ADGRL3: variants seen among roughly 807,000 people sequenced by gnomAD.
The protein encoded by ADGRL3 is adhesion G protein-coupled receptor L3.
Under a neutral mutation model 153.5 loss-of-function variants are expected in ADGRL3, and 62 were observed. That is an observed-to-expected ratio of 0.40 (90% CI 0.33 to 0.50). The LOEUF (loss-of-function observed/expected upper bound fraction) is 0.50. ADGRL3 is among the 20% of genes least tolerant of loss of function. The probability of loss-of-function intolerance (pLI) is 0.47; values close to 1 mark genes in which losing one functional copy is unlikely to be tolerated. For synonymous variants in ADGRL3, 710 were observed against 672.5 expected, an observed-to-expected ratio of 1.06 and a Z score of -0.86; for missense variants, 1,641 against 1,859.4, an observed-to-expected ratio of 0.88 and a Z score of 2.16.
At chr4:61,690,038 A>C (rs1422610220) in intron 6 of ADGRL3, among the ~76,000 whole-genome samples, 1 of 152,174 alleles carries the variant, frequency 6.6e-6, no homozygotes, top group Admixed American at 6.5e-5. Context: ...GCTTTTTGGA[A>C]GCCTTCAAAT....
At chr4:61,315,504 A>C (rs971861240) in intron 1 of ADGRL3, among the ~76,000 whole-genome samples, 2 of 152,202 alleles carry the variant, frequency 1.3e-5, no homozygotes, top group Non-Finnish European at 1.5e-5. Flanking sequence ...CTATGAGGTC[A>C]GGAACTAAGC....
intron 11 of ADGRL3, among the ~76,000 whole-genome samples, chr4:61,904,177 T>TTA (rs1553877178): frequency 3.7e-5 from 5 of 136,160 alleles, no homozygotes; most frequent in African/African-American, 1.1e-4. Flanking sequence ...TATTGTTCAT[T>TTA]AAAAAAAAAA....
intron 6 of ADGRL3, among the ~76,000 whole-genome samples, chr4:61,727,686 C>T (rs911236835): frequency 6.6e-6 from 1 of 152,080 alleles, no homozygotes; most frequent in Non-Finnish European, 1.5e-5. Context: ...TCTTCTTTTG[C>T]TCTCCAGTTT....
At chr4:61,746,046 G>A (rs1203742316) in intron 8 of ADGRL3, among the ~76,000 whole-genome samples, 1 of 152,096 alleles carries the variant, frequency 6.6e-6, no homozygotes, top group Non-Finnish European at 1.5e-5. Flanking sequence ...AAAAAAGGCA[G>A]GGGTTGCAAT....
intron 2 of ADGRL3, among the ~76,000 whole-genome samples, chr4:61,451,853 A>G (rs969977299): frequency 1.3e-5 from 2 of 152,174 alleles, no homozygotes; most frequent in African/African-American, 2.4e-5. Flanking sequence ...GAATAAGAAT[A>G]GAGGTCAGTT....
At position 61,851,301 on chromosome 4, in the gene ADGRL3, G is replaced by T. The variant is rs560034004; in HGVS notation, c.1480+37412G>T. Among the ~76,000 whole-genome samples, 33 of 152,050 alleles carry T rather than the reference G, an allele frequency of 2.2e-4. 1 individual carries two copies. The South Asian group carries it at 6.0e-3, about 28-fold the overall frequency. On this transcript the variant is annotated intron_variant, in intron 9 of 26. Transcript: ENST00000683033. Reference sequence around the variant, plus strand: ...ACTTAGAATGTTAATAAAAAGTGAGGTGTGGCCGGGAGCAGTGACTCACAC... The same window carrying T: ...ACTTAGAATGTTAATAAAAAGTGAGTTGTGGCCGGGAGCAGTGACTCACAC...
At chr4:61,232,022 C>T (rs959435051) in intron 1 of ADGRL3, among the ~76,000 whole-genome samples, 9 of 151,560 alleles carry the variant, frequency 5.9e-5, no homozygotes, top group Non-Finnish European at 1.3e-4. Flanking sequence ...CAGGTTTGAC[C>T]TTGTGCAAGT....
intron 9 of ADGRL3, among the ~76,000 whole-genome samples, chr4:61,875,007 A>T (rs2098466968): frequency 6.6e-6 from 1 of 150,750 alleles, no homozygotes; most frequent in African/African-American, 2.4e-5. Flanking sequence ...ACGGGGTTTC[A>T]CCTTGTTAGT....
chr4:61,758,245 T>G (rs911308547), intron 8 of ADGRL3, among the ~76,000 whole-genome samples: 1 of 152,206 alleles, frequency 6.6e-6, no homozygotes, highest in Admixed American at 6.5e-5. Flanking sequence ...TATCCCTTTC[T>G]GTCTCATTGA....
intron 5 of ADGRL3, among the ~76,000 whole-genome samples, chr4:61,667,209 A>G (rs1458391769): frequency 1.3e-5 from 2 of 152,170 alleles, no homozygotes; most frequent in African/African-American, 4.8e-5. Context: ...GTATTTGGAA[A>G]TTAGACTTCT....
chr4:61,911,004 GTCACTTA>G (rs1373405499), intron 12 of ADGRL3, among the ~76,000 whole-genome samples: 1 of 150,838 alleles, frequency 6.6e-6, no homozygotes, highest in Non-Finnish European at 1.5e-5. Context: ...AGTTATTTTT[GTCACTTA>G]TGCCCTTGAT....
At chr4:61,275,998 A>G (rs530624195) in intron 1 of ADGRL3, among the ~76,000 whole-genome samples, 2 of 152,320 alleles carry the variant, frequency 1.3e-5, no homozygotes, top group East Asian at 1.9e-4. Context: ...ATAAGCTGGC[A>G]TCAGAGTTCA....
At chr4:62,038,368 G>A (rs1726252076) in intron 24 of ADGRL3, among the ~76,000 whole-genome samples, 2 of 152,018 alleles carry the variant, frequency 1.3e-5, no homozygotes, top group African/African-American at 2.4e-5. Flanking sequence ...TAACATACCT[G>A]GTCTAAGCTC....
At position 61,717,294 on chromosome 4, in the gene ADGRL3, G is replaced by A. The variant is rs190544322; in HGVS notation, c.584-13328G>A. On this transcript the variant is annotated intron_variant, in intron 6 of 26. Coordinates refer to ENST00000683033, the MANE Select transcript of ADGRL3 (RefSeq NM_001387552.1). ...ATTTCATTTAAAACATCATGCATTTGAATATATTTTTCAAATCCATTGACC... is the reference window on the plus strand; with the variant it reads ...ATTTCATTTAAAACATCATGCATTTAAATATATTTTTCAAATCCATTGACC... Among the ~76,000 whole-genome samples the A allele has an allele frequency of 2.1e-3, 316 of 151,340 alleles. 3 individuals are homozygous for A. The highest frequency in any genetic ancestry group is 7.1e-3 in the African/African-American group (292 of 41,234).
rs184401164 is a variant in ADGRL3 at position 61,788,666 on chromosome 4, A to G, written c.1400-25143A>G. Among the ~76,000 whole-genome samples, 24 of 152,284 alleles carry G rather than the reference A, an allele frequency of 1.6e-4. No homozygotes were observed. In the East Asian group the frequency reaches 2.5e-3, roughly 16 times the overall value. ...CAAAAGATCAAAAAACTCACCAGCA[A>G]TGGATCCAAACCAAGAAGAAATCTC... On this transcript the variant is annotated intron_variant, in intron 8 of 26. Coordinates refer to ENST00000683033, the MANE Select transcript of ADGRL3 (RefSeq NM_001387552.1).
At chr4:61,461,887 T>A (rs963261663) in intron 2 of ADGRL3, among the ~76,000 whole-genome samples, 2 of 152,180 alleles carry the variant, frequency 1.3e-5, no homozygotes, top group Non-Finnish European at 2.9e-5. Flanking sequence ...AATGCATTCT[T>A]ATTTTTTTTA....
chr4:61,385,848 G>C (rs2096729518), intron 2 of ADGRL3: 1 of 152,116 alleles, frequency 6.6e-6, no homozygotes, highest in Non-Finnish European at 1.5e-5. Context: ...AAAAATGTGT[G>C]TATGTATATG....
At chr4:61,857,116 A>G (rs904034892) in intron 9 of ADGRL3, among the ~76,000 whole-genome samples, 2 of 133,818 alleles carry the variant, frequency 1.5e-5, no homozygotes, top group Non-Finnish European at 3.1e-5. Context: ...TTCTTTTTTC[A>G]GACAGGTGTC....
chr4:61,612,527 G>A (rs2091486683), intron 5 of ADGRL3, among the ~76,000 whole-genome samples: 1 of 152,142 alleles, frequency 6.6e-6, no homozygotes, highest in African/African-American at 2.4e-5. Flanking sequence ...GTTCACATTA[G>A]CACAATAACC....
Sources: allele counts gnomAD v4.1 joint callset (sites outside exome capture counted in the v4.1 genomes callset), GRCh38; gene constraint gnomAD v4.1.1; transcripts MANE v1.5; gene names NCBI Gene and HGNC (gene_info 2026-07-23, HGNC 2026-07-21).